Variants in PRKAG2 observed in about 807,000 individuals in gnomAD.
PRKAG2 encodes 5'-AMP-activated protein kinase subunit gamma-2.
A neutral mutation model predicts 69.6 loss-of-function variants in PRKAG2; 26 were observed. The ratio of observed to expected loss-of-function variants is 0.37; its 90% CI spans 0.27 to 0.52. The LOEUF is 0.52. Among genes scored for constraint, PRKAG2 ranks in the 20% least tolerant of loss-of-function variants. The pLI is 0.90. For synonymous variants in PRKAG2, 293 were observed against 285.0 expected, an observed-to-expected ratio of 1.03 and a Z score of -0.28; for missense variants, 557 against 740.0, an observed-to-expected ratio of 0.75 and a Z score of 2.87.
chr7:151,600,016 T>A (rs1353811699), intron 5 of PRKAG2, among the ~76,000 whole-genome samples: 1 of 152,182 alleles, frequency 6.6e-6, no homozygotes, highest in Non-Finnish European at 1.5e-5. Context: ...CGTCTGTTTG[T>A]GGCCCAGTGA....
At chr7:151,667,639 G>A (rs192558537) in intron 4 of PRKAG2, among the ~76,000 whole-genome samples, 83 of 152,294 alleles carry the variant, frequency 5.4e-4, no homozygotes, top group Admixed American at 2.1e-3. Context: ...AGGAACTACC[G>A]TGTGCCTGTT....
intron 5 of PRKAG2, among the ~76,000 whole-genome samples, chr7:151,611,693 T>C (rs1818908181): frequency 6.6e-6 from 1 of 152,082 alleles, no homozygotes; most frequent in Non-Finnish European, 1.5e-5. Context: ...AGAAAAGACG[T>C]TGGCGCACTT....
intron 1 of PRKAG2, among the ~76,000 whole-genome samples, chr7:151,809,061 C>A (rs1367890835): frequency 6.6e-6 from 1 of 152,172 alleles, no homozygotes; most frequent in Non-Finnish European, 1.5e-5. Context: ...CAGGGCTCTA[C>A]GCCTTGCACG....
chr7:151,612,633 C>T (rs533196992), intron 5 of PRKAG2, among the ~76,000 whole-genome samples: 9 of 152,344 alleles, frequency 5.9e-5, no homozygotes, highest in African/African-American at 1.9e-4. Flanking sequence ...CACTGCCTGG[C>T]GGTTGTCACC....
At chr7:151,589,706 C>T (rs764964388) in intron 6 of PRKAG2, among the ~76,000 whole-genome samples, 1 of 152,290 alleles carries the variant, frequency 6.6e-6, no homozygotes, top group African/African-American at 2.4e-5. Context: ...GAGGCTGAGG[C>T]GGGCAGGTCA....
rs1401587795 is a variant in PRKAG2, at chr7:151,632,191, G to C, written c.685-53C>G. ...AGCATGAGCTGCGACGCTCGTCCCC[G>C]GCCGGCGGGCTCGCGGCCGGCCGAG... On this transcript the variant is annotated intron_variant, in intron 4 of 15. Coordinates refer to ENST00000287878, the MANE Select transcript of PRKAG2 (RefSeq NM_016203.4). The surrounding 1 kb of genome is among the most constrained non-coding windows in gnomAD (Gnocchi z 4.2). 1 of 1,208,554 alleles carries C rather than the reference G, an allele frequency of 8.3e-7. No homozygotes were observed. Among genetic ancestry groups the C allele is most frequent in the Non-Finnish European group, 1.0e-6 (1 of 966,778 alleles). 74.9% of individuals were successfully genotyped at this position (1,208,554 alleles called of 1,614,324 possible).
chr7:151,861,136 T>A (rs1458926643), intron 1 of PRKAG2, among the ~76,000 whole-genome samples: 2 of 152,212 alleles, frequency 1.3e-5, no homozygotes, highest in African/African-American at 4.8e-5. Context: ...CCTTGGCCTG[T>A]CTCAGTGTGA....
chr7:151,675,445 G>A lies in PRKAG2; in HGVS notation c.659C>T (p.Pro220Leu), dbSNP rs200181419. 1.2e-5 allele frequency: 19 copies of A among 1,614,002 alleles called. No individual in the cohort carries two copies. The Middle Eastern group carries it at 4.9e-4, about 42-fold the overall frequency. ...GGCTTTGGAGGGAGCATAGTGTGTC[G>A]GTGATGCCAGTGGAGGCCTGGTCGG... Reference protein sequence around the residue: ...QSPTRPPLASPTHYAPSKAAA... With the variant: ...QSPTRPPLASLTHYAPSKAAA... The change falls in exon 4 of 16, where the codon CCG becomes CTG. Residue 220 changes from proline (P) to leucine (L), a missense_variant. By Grantham distance (98) the Pro-to-Leu change is moderately conservative (BLOSUM62 -3). This residue lies in a region of PRKAG2 where 352 missense variants were observed against 356.7 expected (regional missense o/e 0.99). Coordinates refer to ENST00000287878, the MANE Select transcript of PRKAG2 (RefSeq NM_016203.4).
intron 13 of PRKAG2, 123 bp downstream of exon 13, chr7:151,565,223 T>G: frequency 1.2e-6 from 1 of 826,864 alleles, no homozygotes; most frequent in Non-Finnish European, 1.8e-6. Context: ...TCTGATAATA[T>G]CCTCACACCC....
rs1239476254 is a variant in PRKAG2 at position 151,719,086 on chromosome 7, G to A, written c.467-43449C>T. ...AAGGCCCCGAACTCAGGGAAATGGA[G>A]GGGACTGAAGGAGACGTGTGCCACC... On this transcript the variant is annotated intron_variant, in intron 3 of 15. Transcript: ENST00000287878. The surrounding 1 kb of genome is among the most constrained non-coding windows in gnomAD (Gnocchi z 5.2). Among the ~76,000 whole-genome samples the A allele has an allele frequency of 6.6e-6, 1 of 152,166 alleles. No homozygotes were observed. Among genetic ancestry groups the A allele is most frequent in the African/African-American group, 2.4e-5 (1 of 41,454 alleles).
At chr7:151,819,824 G>T (rs996219760) in intron 1 of PRKAG2, among the ~76,000 whole-genome samples, 6 of 152,220 alleles carry the variant, frequency 3.9e-5, no homozygotes, top group African/African-American at 1.4e-4. Context: ...AGTGCCGTGT[G>T]TACTGAGTGT....
In PRKAG2 at chr7:151,771,800, A is replaced by T. The variant is rs559353272; in HGVS notation, c.466+9352T>A. 3.9e-5 allele frequency among the ~76,000 whole-genome samples: 6 copies of T among 152,278 alleles called. No individual in the cohort carries two copies. The highest frequency in any genetic ancestry group is 1.4e-4 in the African/African-American group (6 of 41,546). On this transcript the variant is annotated intron_variant, in intron 3 of 15. Coordinates refer to ENST00000287878, the MANE Select transcript of PRKAG2 (RefSeq NM_016203.4). The surrounding 1 kb of genome is among the most constrained non-coding windows in gnomAD (Gnocchi z 4.0). ...AGTGGTCATCTTGATGTCATCAATG[A>T]TAATTGCCTCTGTCCCTTCACAGTT...
At chr7:151,597,831 C>CT (rs397765264) in intron 5 of PRKAG2, among the ~76,000 whole-genome samples, 3 of 149,570 alleles carry the variant, frequency 2.0e-5, no homozygotes, top group Admixed American at 6.7e-5. Context: ...CCCCCCCCCC[C>CT]GCTCTTTTAT....
At position 151,864,153 on chromosome 7, in the gene PRKAG2, C is replaced by T. The variant is rs192257756; in HGVS notation, c.114+12354G>A. On this transcript the variant is annotated intron_variant, in intron 1 of 15. Transcript: ENST00000287878. Reference sequence around the variant, plus strand: ...GCACTGCTGTGAACTGGCTTCCTGACCTCCAGCCTCAAGAGCAGGCATCTC... The same window carrying T: ...GCACTGCTGTGAACTGGCTTCCTGATCTCCAGCCTCAAGAGCAGGCATCTC... Among the ~76,000 whole-genome samples the T allele has an allele frequency of 3.4e-3, 523 of 152,276 alleles. 2 individuals carry two copies. Among genetic ancestry groups the T allele is most frequent in the Non-Finnish European group, 4.8e-3 (324 of 68,034 alleles).
chr7:151,870,046 T>C (rs184072269), intron 1 of PRKAG2, among the ~76,000 whole-genome samples: 1 of 152,276 alleles, frequency 6.6e-6, no homozygotes, highest in African/African-American at 2.4e-5. Context: ...AAATGTTGAA[T>C]TGCCTTTGTT....
At chr7:151,677,192 CT>C (rs111831284) in intron 3 of PRKAG2, among the ~76,000 whole-genome samples, 5 of 149,462 alleles carry the variant, frequency 3.3e-5, no homozygotes, top group South Asian at 2.1e-4. Flanking sequence ...ATCTCTTTTT[CT>C]TTTTTTTTTG....
At chr7:151,789,905 G>A (rs547388294) in intron 1 of PRKAG2, among the ~76,000 whole-genome samples, 17 of 152,130 alleles carry the variant, frequency 1.1e-4, no homozygotes, top group South Asian at 8.3e-4. Context: ...ACTGACCTCC[G>A]CAGCCTTATT....
chr7:151,675,306 G>A (rs756061396), intron 4 of PRKAG2, 114 bp downstream of exon 4: 31 of 1,001,764 alleles, frequency 3.1e-5, no homozygotes, highest in Admixed American at 5.9e-5. Flanking sequence ...TGAAGATGTC[G>A]GGAGCACACG....
At chr7:151,845,847 C>T (rs2079418329) in intron 1 of PRKAG2, among the ~76,000 whole-genome samples, 1 of 152,214 alleles carries the variant, frequency 6.6e-6, no homozygotes, top group South Asian at 2.1e-4. Context: ...ATAATTCTTG[C>T]CATTAGCCCC....
Sources: gnomAD v4.1 joint callset for allele counts (sites outside exome capture counted in the v4.1 genomes callset) on GRCh38, gnomAD v4.1.1 for gene constraint, gnomAD v4.1.1 regional missense constraint, Gnocchi (gnomAD v3.1) non-coding constraint, MANE v1.5 for transcripts, NCBI Gene and HGNC (gene_info 2026-07-23, HGNC 2026-07-21) for gene names.